NLRP5: variants seen among roughly 807,000 people sequenced by gnomAD.
The protein encoded by NLRP5 is NACHT, LRR and PYD domains-containing protein 5.
In NLRP5, 93 loss-of-function variants were observed where a neutral mutation model predicts 113.1. The observed-to-expected ratio is 0.82, with a 90% CI of 0.70 to 0.98. The LOEUF (loss-of-function observed/expected upper bound fraction) is 0.98. Ranked by LOEUF, NLRP5 falls within the 50% of genes least tolerant of loss-of-function variation. The pLI, the probability that NLRP5 is intolerant of heterozygous loss-of-function variation, is 0.00. For missense variants in NLRP5, 1,808 were observed against 1,514.3 expected, an observed-to-expected ratio of 1.19 and a Z score of -3.22; for synonymous variants, 751 against 600.7, an observed-to-expected ratio of 1.25 and a Z score of -3.66.
chr19:56,060,850 C>CTA (rs930676735), intron 14 of NLRP5, among the ~76,000 whole-genome samples: 8 of 152,210 alleles, frequency 5.3e-5, no homozygotes, highest in African/African-American at 1.7e-4. Context: ...GAAAAAAGCC[C>CTA]TATATTGCAG....
At chr19:56,026,523 A>G (rs1982855184) in intron 6 of NLRP5, among the ~76,000 whole-genome samples, 1 of 53,228 alleles carries the variant, frequency 1.9e-5, no homozygotes, top group Non-Finnish European at 3.8e-5. Flanking sequence ...GCAAGACTCC[A>G]TCTCAAAAAA....
intron 9 of NLRP5, 49 bp downstream of exon 9, chr19:56,033,758 T>A: frequency 6.7e-7 from 1 of 1,497,358 alleles, no homozygotes; most frequent in Non-Finnish European, 9.1e-7. Context: ...TTTTTACTTG[T>A]GTTTGAAATG....
At chr19:56,046,392 G>C (rs1354026813) in intron 11 of NLRP5, among the ~76,000 whole-genome samples, 1 of 137,582 alleles carries the variant, frequency 7.3e-6, no homozygotes, top group Non-Finnish European at 1.5e-5. Context: ...ATATTGCTTT[G>C]TAGTTTCGTG....
At chr19:55,990,369 G>A in the NLRP5 span, among the ~76,000 whole-genome samples, 1 of 151,872 alleles carries the variant, frequency 6.6e-6, no homozygotes, top group Admixed American at 6.6e-5. Context: ...GATTACAAAA[G>A]TCATATGCAG....
At chr19:56,036,124 T>C (rs766556230) in intron 9 of NLRP5, among the ~76,000 whole-genome samples, 6 of 136,776 alleles carry the variant, frequency 4.4e-5, no homozygotes, top group South Asian at 2.4e-4. Flanking sequence ...AGTGCAGTGG[T>C]GCAATCTCGG....
At chr19:56,013,059 C>T in intron 3 of NLRP5, among the ~76,000 whole-genome samples, 1 of 152,178 alleles carries the variant, frequency 6.6e-6, no homozygotes, top group Admixed American at 6.5e-5. Flanking sequence ...CATCACTCCC[C>T]ATACCCAGCC....
At chr19:56,054,510 A>G (rs1238278302) in intron 13 of NLRP5, among the ~76,000 whole-genome samples, 1 of 150,648 alleles carries the variant, frequency 6.6e-6, no homozygotes, top group Non-Finnish European at 1.5e-5. Flanking sequence ...GTGAGCCGAG[A>G]CCACACCACT....
chr19:56,058,531 C>T (rs1396325802), intron 14 of NLRP5, 121 bp downstream of exon 14: 1 of 820,336 alleles, frequency 1.2e-6, no homozygotes, highest in Non-Finnish European at 1.9e-6. Context: ...CATTTTACTC[C>T]ATTGGTGAGT....
upstream of NLRP5, among the ~76,000 whole-genome samples, chr19:55,999,217 T>C (rs959058878): frequency 6.8e-6 from 1 of 146,030 alleles, no homozygotes; most frequent in Non-Finnish European, 1.5e-5. Context: ...TTTTTCTTTT[T>C]TTTTTTTTTT....
chr19:56,015,942 G>C, intron 4 of NLRP5, 144 bp downstream of exon 4: 2 of 552,982 alleles, frequency 3.6e-6, no homozygotes, highest in Non-Finnish European at 3.2e-6. Context: ...TCTTCCCTAA[G>C]AGATCTTGGG....
chr19:56,028,539 C>T (rs1416654235), intron 7 of NLRP5, 30 bp downstream of exon 7: 2 of 1,588,850 alleles, frequency 1.3e-6, no homozygotes, highest in South Asian at 1.1e-5. Context: ...TTATCCTATG[C>T]CGTGTGCTGA....
chr19:56,044,448 C>T (rs540357841), intron 11 of NLRP5, among the ~76,000 whole-genome samples: 6 of 152,208 alleles, frequency 3.9e-5, no homozygotes, highest in Non-Finnish European at 7.3e-5. Context: ...AGCCAATTAT[C>T]TCAGCACCGT....
chr19:55,990,079 C>CTTTTTT, the NLRP5 span, among the ~76,000 whole-genome samples: 150 of 95,810 alleles, frequency 1.6e-3, no homozygotes, highest in East Asian at 4.4e-3. Context: ...TTTCTTTTTT[C>CTTTTTT]TTTTTTTTTT....
the NLRP5 span, chr19:55,988,425 A>AATAT: frequency 2.1e-4 from 18 of 85,098 alleles, no homozygotes; most frequent in African/African-American, 9.7e-4. Flanking sequence ...TATACACATA[A>AATAT]ATATATATAT....
upstream of NLRP5, among the ~76,000 whole-genome samples, chr19:55,997,167 AC>A (rs1327500621): frequency 2.0e-5 from 3 of 151,908 alleles, no homozygotes; most frequent in African/African-American, 7.3e-5. Flanking sequence ...TCCTTTGCCC[AC>A]TTTTTGATGG....
chr19:55,997,180 GTTGT>G (rs576582681), upstream of NLRP5, among the ~76,000 whole-genome samples: 528 of 152,138 alleles, frequency 3.5e-3, 4 homozygotes, highest in African/African-American at 0.012. Flanking sequence ...TTTTGATGGG[GTTGT>G]TTGTTTTTTT....
intron 6 of NLRP5, among the ~76,000 whole-genome samples, chr19:56,021,835 A>T (rs1306566625): frequency 1.3e-5 from 2 of 152,332 alleles, no homozygotes; most frequent in East Asian, 3.9e-4. Context: ...GATATTGAAG[A>T]TATAAAGCTA....
Position 56,053,635 on chromosome 19 carries a change from C to T in NLRP5, c.3129-3C>T. On this transcript the variant is annotated splice_polypyrimidine_tract_variant and splice_region_variant and intron_variant, in intron 12 of 14. Coordinates refer to ENST00000390649, the MANE Select transcript of NLRP5 (RefSeq NM_153447.4). ...GACTCTCTCTATTCCCCGCCTCTTG[C>T]AGGTTGGTAAAGTGTCATCTCACCG... is the stretch of plus-strand genomic sequence containing the variant. 1.2e-6 allele frequency: 2 copies of T among 1,611,698 alleles called. No individual in the cohort carries two copies. The highest frequency in any genetic ancestry group is 1.7e-6 in the Non-Finnish European group (2 of 1,178,468).
Position 56,028,238 on chromosome 19 carries a change from G to T in NLRP5, c.2005G>T (p.Val669Phe). 1 of 1,613,858 alleles carries T rather than the reference G, an allele frequency of 6.2e-7. No homozygotes were observed. The highest frequency in any genetic ancestry group is 8.5e-7 in the Non-Finnish European group (1 of 1,179,894). ...GGTGAAGCAGAAGCTTCTGCACTGG[G>T]TCTCTCTGTTGGGTCAGCAGCCTAA... The change falls in exon 7 of 15, where the codon GTC becomes TTC. Residue 669 changes from valine (V) to phenylalanine (F), a missense_variant. Physicochemically the swap from Val to Phe is conservative, Grantham distance 50. Transcript: ENST00000390649.
Sources: allele counts gnomAD v4.1 joint callset (sites outside exome capture counted in the v4.1 genomes callset), GRCh38; gene constraint gnomAD v4.1.1; transcripts MANE v1.5; gene names NCBI Gene and HGNC (gene_info 2026-07-23, HGNC 2026-07-21).